The following ALG10B variants were observed in gnomAD, a reference collection of about 807,000 sequenced individuals.
The protein encoded by ALG10B is ALG10 alpha-1,2-glucosyltransferase B, also known as dol-P-Glc:Glc(2)Man(9)GlcNAc(2)-PP-Dol alpha-1,2-glucosyltransferase B.
ALG10B carries 27 observed loss-of-function variants against 38.7 expected under a neutral mutation model. That is an observed-to-expected ratio of 0.70 (90% CI 0.51 to 0.96). The LOEUF is 0.96. ALG10B is among the 40% of genes least tolerant of loss of function. The probability of loss-of-function intolerance (pLI) is 0.00; values close to 1 mark genes in which losing one functional copy is unlikely to be tolerated. For synonymous variants in ALG10B, 177 were observed against 193.3 expected (o/e 0.92, Z 0.70); for missense variants, 522 against 542.7 (o/e 0.96, Z 0.38).
At position 38,327,826 on chromosome 12, in the gene ALG10B, T is replaced by C. The variant is rs1437974823; in HGVS notation, c.*6613T>C. ...ACAACATGATAACTCCTTATAATTT[T>C]GTTGTAAGATAAATGACTAAAATTA... is the stretch of plus-strand genomic sequence containing the variant. On this transcript the variant is annotated 3_prime_UTR_variant, in exon 3 of 3. Transcript: ENST00000308742. The C allele has an allele frequency of 1.3e-5, 2 of 152,194 alleles. No homozygotes were observed. Among genetic ancestry groups the C allele is most frequent in the African/African-American group, 4.8e-5 (2 of 41,450 alleles). 9.4% of individuals were successfully genotyped at this position (152,194 alleles called of 1,614,324 possible). A position where few individuals can be genotyped will look rare whatever the true frequency, so the allele number is the denominator to read the frequency against.
rs1258412961 is a variant in ALG10B at position 38,323,928 on chromosome 12, G to A, written c.*2715G>A. 2.8e-6 allele frequency: 2 copies of A among 702,180 alleles called. No individual in the cohort carries two copies. Among genetic ancestry groups the A allele is most frequent in the Admixed American group, 4.0e-5 (2 of 49,976 alleles). The allele number at this position is 702,180 out of a possible 1,614,324, so 43.5% of individuals were successfully genotyped here. A position where few individuals can be genotyped will look rare whatever the true frequency, so the allele number is the denominator to read the frequency against. On this transcript the variant is annotated 3_prime_UTR_variant, in exon 3 of 3. Coordinates refer to ENST00000308742, the MANE Select transcript of ALG10B (RefSeq NM_001013620.4). ...TTGTATTTAGGAATACTTCTGAGAG[G>A]AGAAGCTTCCACTCTGATCTAGTCT...
At position 38,318,281 on chromosome 12, in the gene ALG10B, A is replaced by G. The variant is rs141713734; in HGVS notation, c.192A>G (p.Thr64=). 30 of 1,614,044 alleles carry G rather than the reference A, an allele frequency of 1.9e-5. No individual in the cohort carries two copies. Among genetic ancestry groups the G allele is most frequent in the Non-Finnish European group, 2.5e-5 (29 of 1,179,962 alleles). The change falls in exon 2 of 3, where the codon ACA becomes ACG. Residue 64 remains threonine, a synonymous_variant. Coordinates refer to ENST00000308742, the MANE Select transcript of ALG10B (RefSeq NM_001013620.4). ...SLSQWDPMIT[T]LPGLYLVSVG... ...TAAAGTGGGATCCCATGATTACTAC[A>G]TTACCTGGCTTGTACCTGGTGTCAG... is the stretch of plus-strand genomic sequence containing the variant.
At chr12:38,318,988 T>C (rs1411882063) in intron 2 of ALG10B, among the ~76,000 whole-genome samples, 1 of 152,194 alleles carries the variant, frequency 6.6e-6, no homozygotes, top group Non-Finnish European at 1.5e-5. Flanking sequence ...AGAACTGTTA[T>C]AAAGGAACAA....
At position 38,326,843 on chromosome 12, in the gene ALG10B, A is replaced by G. The variant is rs1299140695; in HGVS notation, c.*5630A>G. The G allele has an allele frequency of 1.3e-5, 2 of 151,694 alleles. No individual in the cohort carries two copies. The highest frequency in any genetic ancestry group is 6.6e-5 in the Admixed American group (1 of 15,248). The allele number at this position is 151,694 out of a possible 1,614,324, so 9.4% of individuals were successfully genotyped here. A position where few individuals can be genotyped will look rare whatever the true frequency, so the allele number is the denominator to read the frequency against. On this transcript the variant is annotated 3_prime_UTR_variant, in exon 3 of 3. Coordinates refer to ENST00000308742, the MANE Select transcript of ALG10B (RefSeq NM_001013620.4). The stretch of plus-strand genomic sequence containing the variant: ...TATCCATGAGTCAACACTAATATTT[A>G]ATATTTGAGATTTGAAAAATTATTT...
intron 2 of ALG10B, among the ~76,000 whole-genome samples, chr12:38,319,727 T>C (rs924013193): frequency 6.6e-6 from 1 of 152,226 alleles, no homozygotes; most frequent in Non-Finnish European, 1.5e-5. Context: ...TGTGTAGTGT[T>C]ATGAAGGATT....
chr12:38,317,943 T>G, intron 1 of ALG10B: 1 of 383,666 alleles, frequency 2.6e-6, no homozygotes, highest in South Asian at 2.4e-5. Flanking sequence ...CAAACAATGT[T>G]TCCATGCTTT....
rs1945738670 is a variant in ALG10B at position 38,325,745 on chromosome 12, A to G, written c.*4532A>G. 1.3e-5 allele frequency: 2 copies of G among 152,142 alleles called. No homozygotes were observed. Among genetic ancestry groups the G allele is most frequent in the Admixed American group, 1.3e-4 (2 of 15,274 alleles). The allele number at this position is 152,142 out of a possible 1,614,324, so 9.4% of individuals were successfully genotyped here. The stretch of plus-strand genomic sequence containing the variant: ...CTGGGATCAATAAGGCAAGTGGTTT[A>G]GTCTTTAGTCCTCATTTCAAATGAG... On this transcript the variant is annotated 3_prime_UTR_variant, in exon 3 of 3. Transcript: ENST00000308742.
At position 38,321,281 on chromosome 12, in the gene ALG10B, A is replaced by G; in HGVS notation, c.*68A>G. On this transcript the variant is annotated 3_prime_UTR_variant, in exon 3 of 3. Transcript: ENST00000308742. ...GACCATTTCTACAAAGAACAACTGA[A>G]TAGGTGGAAAACATGGAATTTCTTT... The G allele has an allele frequency of 6.7e-7, 1 of 1,495,260 alleles. No individual in the cohort carries two copies. The highest frequency in any genetic ancestry group is 9.1e-7 in the Non-Finnish European group (1 of 1,098,526). 92.6% of individuals were successfully genotyped at this position (1,495,260 alleles called of 1,614,324 possible).
chr12:38,316,703 G>A, upstream of ALG10B: 1 of 875,286 alleles, frequency 1.1e-6, no homozygotes, highest in Non-Finnish European at 1.9e-6. Context: ...ATCTAAACCC[G>A]TCACTCCAGG....
At position 38,321,017 on chromosome 12, in the gene ALG10B, C is replaced by G. The variant is rs1490587554; in HGVS notation, c.1226C>G (p.Pro409Arg). ...ATATGCTTGTTCATTGTTATAGTTC[C>G]TCAGAAACTGCTGGAATTTCGTTAC... ...FFICLFIVIV[P>R]QKLLEFRYFI... The change falls in exon 3 of 3, where the codon CCT becomes CGT. Residue 409 changes from proline (P) to arginine (R), a missense_variant. By Grantham distance (103) the Pro-to-Arg change is moderately radical (BLOSUM62 -2). Coordinates refer to ENST00000308742, the MANE Select transcript of ALG10B (RefSeq NM_001013620.4). 1 of 1,612,996 alleles carries G rather than the reference C, an allele frequency of 6.2e-7. No homozygotes were observed. The highest frequency in any genetic ancestry group is 1.7e-5 in the Admixed American group (1 of 59,850).
chr12:38,327,215 C>T lies in ALG10B; in HGVS notation c.*6002C>T, dbSNP rs1004199355. The T allele has an allele frequency of 6.6e-6, 1 of 151,304 alleles. No homozygotes were observed. Among genetic ancestry groups the T allele is most frequent in the African/African-American group, 2.4e-5 (1 of 41,146 alleles). The allele number at this position is 151,304 out of a possible 1,614,324, so 9.4% of individuals were successfully genotyped here. A position where few individuals can be genotyped will look rare whatever the true frequency, so the allele number is the denominator to read the frequency against. ...CCTCAAGTGATCCTCCCACCTTGGC[C>T]TCCCAAAGTGCTAGGATTTACAATG... On this transcript the variant is annotated 3_prime_UTR_variant, in exon 3 of 3. Coordinates refer to ENST00000308742, the MANE Select transcript of ALG10B (RefSeq NM_001013620.4).
rs111665234 is a variant in ALG10B, at chr12:38,316,805, G to T, written c.-89G>T. On this transcript the variant is annotated 5_prime_UTR_variant, in exon 1 of 3. Transcript: ENST00000308742. ...CCGTCTGGCTAGTCCTGTCTAGCGCGCCCATTTCGAGCCCAAGTTTCCAGC... is the reference window on the plus strand; with the variant it reads ...CCGTCTGGCTAGTCCTGTCTAGCGCTCCCATTTCGAGCCCAAGTTTCCAGC... 3.5e-5 allele frequency: 56 copies of T among 1,607,310 alleles called. No individual in the cohort carries two copies. Among genetic ancestry groups the T allele is most frequent in the Middle Eastern group, 4.0e-4 (2 of 4,972 alleles).
At position 38,328,964 on chromosome 12, in the gene ALG10B, G is replaced by A. The variant is rs1945770125; in HGVS notation, c.*7751G>A. On this transcript the variant is annotated 3_prime_UTR_variant, in exon 3 of 3. Coordinates refer to ENST00000308742, the MANE Select transcript of ALG10B (RefSeq NM_001013620.4). The stretch of plus-strand genomic sequence containing the variant: ...GGGAAACTTAGTATAGAGAGGTGAA[G>A]TATTTTTTCCAAGATTACAAAATAA... The A allele has an allele frequency of 8.1e-6, 3 of 370,668 alleles. No individual in the cohort carries two copies. The highest frequency in any genetic ancestry group is 7.7e-5 in the East Asian group (2 of 26,026). 23.0% of individuals were successfully genotyped at this position (370,668 alleles called of 1,614,324 possible). A position where few individuals can be genotyped will look rare whatever the true frequency, so the allele number is the denominator to read the frequency against.
Position 38,321,104 on chromosome 12 carries a change from T to A in ALG10B, c.1313T>A (p.Val438Asp). The A allele has an allele frequency of 6.2e-7, 1 of 1,613,826 alleles. No individual in the cohort carries two copies. Reference protein sequence around the residue: ...NITLPPTSRLVCELSCYAIVN... With the variant: ...NITLPPTSRLDCELSCYAIVN... ...ACTCTGCCTCCCACATCCAGACTTGTTTGTGAACTGAGTTGCTATGCAATT... is the reference window on the plus strand; with the variant it reads ...ACTCTGCCTCCCACATCCAGACTTGATTGTGAACTGAGTTGCTATGCAATT... The change falls in exon 3 of 3, where the codon GTT (valine) becomes GAT (aspartate). Residue 438 changes from valine to aspartate, a missense_variant. Physicochemically the swap from Val to Asp is radical, Grantham distance 152. Transcript: ENST00000308742.
chr12:38,320,444 A>G lies in ALG10B; in HGVS notation c.653A>G (p.Asp218Gly). ...AWKTELQKKEDRLPPIKGPFA... is the reference protein window; with the variant it reads ...AWKTELQKKEGRLPPIKGPFA... Reference sequence around the variant, plus strand: ...AAAACTGAGCTACAAAAGAAGGAAGACAGACTTCCACCTATTAAAGGACCA... The same window carrying G: ...AAAACTGAGCTACAAAAGAAGGAAGGCAGACTTCCACCTATTAAAGGACCA... The change falls in exon 3 of 3, where the codon GAC becomes GGC. Residue 218 changes from aspartate (D) to glycine (G), a missense_variant. Asp to Gly is a moderately conservative substitution (Grantham distance 94). Coordinates refer to ENST00000308742, the MANE Select transcript of ALG10B (RefSeq NM_001013620.4). 6.2e-7 allele frequency: 1 copy of G among 1,614,112 alleles called. No individual in the cohort carries two copies. Among genetic ancestry groups the G allele is most frequent in the Non-Finnish European group, 8.5e-7 (1 of 1,179,960 alleles).
Position 38,318,443 on chromosome 12 carries a change from A to G in ALG10B, c.354A>G (p.Val118=). 6.2e-7 allele frequency: 1 copy of G among 1,614,180 alleles called. No individual in the cohort carries two copies. The highest frequency in any genetic ancestry group is 8.5e-7 in the Non-Finnish European group (1 of 1,180,008). ...FYLLYLLFHK[V]QPRNKAASSI... ...TACTATATTTGCTTTTCCACAAGGT[A>G]CAACCCAGAAACAAGGTATGTTTCA... Residue 118 remains valine, a synonymous_variant, in exon 2 of 3, where the codon GTA becomes GTG. Transcript: ENST00000308742.
intron 1 of ALG10B, chr12:38,317,689 T>C (rs1945667491): frequency 5.7e-6 from 1 of 174,816 alleles, no homozygotes; most frequent in Non-Finnish European, 1.2e-5. Flanking sequence ...GCTAGAAATA[T>C]AAAGTCTGTT....
At chr12:38,318,193 T>G (rs1220512029) in intron 1 of ALG10B, 68 bp from the exon 2 acceptor site, 9 of 1,585,614 alleles carry the variant, frequency 5.7e-6, no homozygotes, top group Middle Eastern at 1.7e-4. Flanking sequence ...AGACTTGGGC[T>G]TGACATATTT....
intron 1 of ALG10B, 154 bp downstream of exon 1, chr12:38,317,218 T>C (rs11183276): frequency 0.41 from 411,548 of 998,642 alleles, 90,146 homozygotes; most frequent in Non-Finnish European, 0.46. Context: ...TGTTCCTGTC[T>C]CTGAGATCTG....
Sources: gnomAD v4.1 joint callset for allele counts (sites outside exome capture counted in the v4.1 genomes callset) on GRCh38, gnomAD v4.1.1 for gene constraint, MANE v1.5 for transcripts, NCBI Gene and HGNC (gene_info 2026-07-23, HGNC 2026-07-21) for gene names.